RBFOX1: variants seen among roughly 807,000 people sequenced by gnomAD.
RBFOX1 encodes RNA binding protein fox-1 homolog 1.
In RBFOX1, 8 loss-of-function variants were observed where a neutral mutation model predicts 57.7. The ratio of observed to expected loss-of-function variants is 0.14; its 90% CI spans 0.08 to 0.25. The LOEUF is 0.25. Among genes scored for constraint, RBFOX1 ranks in the 10% least tolerant of loss-of-function variants. RBFOX1 has a pLI of 1.00. For synonymous variants in RBFOX1, 326 were observed against 222.4 expected, an observed-to-expected ratio of 1.47 and a Z score of -4.15; for missense variants, 611 against 548.5, an observed-to-expected ratio of 1.11 and a Z score of -1.14.
chr16:7,180,247 T>C (rs1029280278), intron 4 of RBFOX1, among the ~76,000 whole-genome samples: 1 of 152,226 alleles, frequency 6.6e-6, no homozygotes, highest in Non-Finnish European at 1.5e-5. Flanking sequence ...AAATGCGTTT[T>C]ACATATATTA....
chr16:6,922,218 G>T (rs1305076703), intron 3 of RBFOX1, among the ~76,000 whole-genome samples: 2 of 152,144 alleles, frequency 1.3e-5, no homozygotes, highest in Non-Finnish European at 2.9e-5. Context: ...CAATGGAGAG[G>T]TCTGAGGCAT....
chr16:7,050,643 G>C (rs1225552742), intron 3 of RBFOX1, among the ~76,000 whole-genome samples: 1 of 151,678 alleles, frequency 6.6e-6, no homozygotes, highest in Admixed American at 6.6e-5. Flanking sequence ...ATATTTCTGT[G>C]GTTTCTTTTC....
chr16:5,912,958 C>T (rs2058634123), intron 4 of RBFOX1, among the ~76,000 whole-genome samples: 1 of 152,148 alleles, frequency 6.6e-6, no homozygotes, highest in African/African-American at 2.4e-5. Context: ...GGGTGGCCAG[C>T]TTCCTAATGT....
At chr16:7,483,265 T>A (rs1346024801) in intron 4 of RBFOX1, among the ~76,000 whole-genome samples, 1 of 152,170 alleles carries the variant, frequency 6.6e-6, no homozygotes, top group Non-Finnish European at 1.5e-5. Context: ...CTAAAGTAAA[T>A]CGTTGCAATA....
intron 2 of RBFOX1, among the ~76,000 whole-genome samples, chr16:5,524,660 C>G (rs1371559327): frequency 6.6e-6 from 1 of 151,868 alleles, no homozygotes; most frequent in Admixed American, 6.6e-5. Flanking sequence ...CCTGCCTCAG[C>G]CTTCCAAGTA....
chr16:5,778,332 C>T (rs1301738233), intron 3 of RBFOX1, among the ~76,000 whole-genome samples: 1 of 152,154 alleles, frequency 6.6e-6, no homozygotes, highest in African/African-American at 2.4e-5. Flanking sequence ...GATTTCCCTA[C>T]CATCTTGCAA....
chr16:7,377,618 A>T (rs2097708232), intron 4 of RBFOX1, among the ~76,000 whole-genome samples: 1 of 152,214 alleles, frequency 6.6e-6, no homozygotes, highest in Admixed American at 6.5e-5. Context: ...GTATAACTTT[A>T]TAGCGCTTGA....
At chr16:6,916,524 C>G (rs952063670) in intron 3 of RBFOX1, among the ~76,000 whole-genome samples, 1 of 151,714 alleles carries the variant, frequency 6.6e-6, no homozygotes, top group Non-Finnish European at 1.5e-5. Flanking sequence ...CGACCATCTC[C>G]AGGACCATTA....
At chr16:6,101,206 G>A (rs938195078) in intron 1 of RBFOX1, among the ~76,000 whole-genome samples, 7 of 152,126 alleles carry the variant, frequency 4.6e-5, no homozygotes, top group Non-Finnish European at 8.8e-5. Flanking sequence ...TGGAGTCTCC[G>A]GACCCACTCT....
At position 7,579,645 on chromosome 16, in the gene RBFOX1, C is replaced by T. The variant is rs189288257; in HGVS notation, c.271-132C>T. 19 of 1,084,134 alleles carry T rather than the reference C, an allele frequency of 1.8e-5. No homozygotes were observed. In the Admixed American group the frequency reaches 1.8e-4, roughly 10 times the overall value. The allele number at this position is 1,084,134 out of a possible 1,614,324, so 67.2% of individuals were successfully genotyped here. On this transcript the variant is annotated intron_variant, in intron 5 of 15. Transcript: ENST00000550418. ...TGCTGAATGAATGCATGCATGCATG[C>T]GTCAGCATTTTCTTCCCTTCTCAGA...
At chr16:6,725,066 T>G (rs1885821341) in intron 3 of RBFOX1, among the ~76,000 whole-genome samples, 1 of 146,472 alleles carries the variant, frequency 6.8e-6, no homozygotes, top group East Asian at 2.0e-4. Context: ...TTCTTTTTTT[T>G]TTGAGACAAA....
intron 1 of RBFOX1, among the ~76,000 whole-genome samples, chr16:5,335,958 C>T (rs987294738): frequency 6.6e-6 from 1 of 152,094 alleles, no homozygotes; most frequent in South Asian, 2.1e-4. Flanking sequence ...TCCTTTAATC[C>T]TCCCAATCAG....
chr16:5,747,655 G>T (rs1567484750), intron 3 of RBFOX1, among the ~76,000 whole-genome samples: 1 of 152,044 alleles, frequency 6.6e-6, no homozygotes, highest in East Asian at 1.9e-4. Flanking sequence ...AGATTTTCTA[G>T]TTTTTTTGCG....
intron 2 of RBFOX1, among the ~76,000 whole-genome samples, chr16:6,547,304 C>T (rs1484947406): frequency 1.3e-5 from 2 of 152,152 alleles, no homozygotes; most frequent in East Asian, 3.9e-4. Context: ...ATCACATTCC[C>T]AACAAATTTC....
intron 4 of RBFOX1, among the ~76,000 whole-genome samples, chr16:7,257,952 GAA>G (rs1206319537): frequency 6.6e-6 from 1 of 152,214 alleles, no homozygotes; most frequent in Non-Finnish European, 1.5e-5. Flanking sequence ...AAGGGGGAAA[GAA>G]AGCTGAACAG....
intron 2 of RBFOX1, among the ~76,000 whole-genome samples, chr16:6,486,995 C>T (rs1392027129): frequency 2.0e-5 from 3 of 152,016 alleles, no homozygotes; most frequent in Admixed American, 2.0e-4. Context: ...TAAAAGTCAG[C>T]ATTTAATATA....
intron 1 of RBFOX1, among the ~76,000 whole-genome samples, chr16:6,287,762 C>A (rs887472114): frequency 6.6e-6 from 1 of 152,094 alleles, no homozygotes; most frequent in Non-Finnish European, 1.5e-5. Flanking sequence ...CATTTATCGT[C>A]ATCTGATTGT....
chr16:5,787,255 T>C (rs76146872), intron 3 of RBFOX1, among the ~76,000 whole-genome samples: 2,424 of 152,316 alleles, frequency 0.016, 59 homozygotes, highest in African/African-American at 0.054. Context: ...CCAAGGACAC[T>C]GTTTAGGATT....
rs557310904 is a variant in RBFOX1 at position 5,460,897 on chromosome 16, C to T, written c.220-6319C>T. On this transcript the variant is annotated intron_variant, in intron 1 of 2. Transcript: ENST00000585867. ...GCACTGTTTTGGCATCGCGTAGTAG[C>T]GATTACACATATTGTCACTTGTCAT... is the stretch of plus-strand genomic sequence containing the variant. Among the ~76,000 whole-genome samples the T allele has an allele frequency of 5.7e-4, 86 of 152,178 alleles. 1 individual carries two copies. The highest frequency in any genetic ancestry group is 7.5e-4 in the Non-Finnish European group (51 of 68,024).
Sources: allele counts gnomAD v4.1 joint callset (sites outside exome capture counted in the v4.1 genomes callset), GRCh38; gene constraint gnomAD v4.1.1; transcripts MANE v1.5; gene names NCBI Gene and HGNC (gene_info 2026-07-23, HGNC 2026-07-21).